Variants in D2HGDH observed in about 807,000 individuals in gnomAD.
D2HGDH encodes D-2-hydroxyglutarate dehydrogenase, mitochondrial.
Under a neutral mutation model 46.9 loss-of-function variants are expected in D2HGDH, and 31 were observed. That is an observed-to-expected ratio of 0.66 (90% confidence interval 0.50 to 0.89). The LOEUF is 0.89. Ranked by LOEUF, D2HGDH falls within the 40% of genes least tolerant of loss-of-function variation. D2HGDH has a pLI of 0.00. For missense variants in D2HGDH, 698 were observed against 720.8 expected (o/e 0.97, Z 0.36); for synonymous variants, 364 against 332.6 (o/e 1.09, Z -1.03).
chr2:241,755,560 CG>C (rs1337212741), intron 8 of D2HGDH: 22 of 1,427,538 alleles, frequency 1.5e-5, no homozygotes, highest in Admixed American at 1.1e-4. Context: ...CCAGGGTGCT[CG>C]GTGCTGTCGT....
chr2:241,761,380 A>T (rs541318753), intron 9 of D2HGDH, among the ~76,000 whole-genome samples: 1 of 152,172 alleles, frequency 6.6e-6, no homozygotes, highest in East Asian at 1.9e-4. Context: ...CTCTACTAAA[A>T]ATACAAAAAT....
chr2:241,749,214 C>G, intron 6 of D2HGDH: 1 of 1,013,850 alleles, frequency 9.9e-7, no homozygotes, highest in Non-Finnish European at 1.3e-6. Context: ...CCTCCCACAC[C>G]CCAGCCCTCT....
chr2:241,749,047 G>A (rs1420160179), intron 6 of D2HGDH: 21 of 995,798 alleles, frequency 2.1e-5, no homozygotes, highest in Non-Finnish European at 2.2e-5. Flanking sequence ...TCGTGGGCTC[G>A]GTCCAGCTCT....
At chr2:241,755,304 G>A (rs899028975) in intron 8 of D2HGDH, 69 of 1,248,380 alleles carry the variant, frequency 5.5e-5, no homozygotes, top group Non-Finnish European at 6.9e-5. Flanking sequence ...CCTCCCACCC[G>A]ACATGCCCCT....
At chr2:241,760,481 G>A (rs113460963) in intron 9 of D2HGDH, among the ~76,000 whole-genome samples, 2 of 149,670 alleles carry the variant, frequency 1.3e-5, no homozygotes, top group African/African-American at 5.0e-5. Context: ...CCACAGCGTG[G>A]GTGGGCCTTA....
intron 8 of D2HGDH, among the ~76,000 whole-genome samples, chr2:241,752,659 T>C (rs113499533): frequency 0.093 from 14,129 of 151,840 alleles, 847 homozygotes; most frequent in East Asian, 0.21. Context: ...CAGCTTCTGC[T>C]TGAGATGGGG....
chr2:241,762,069 C>CTT (rs564362722), intron 9 of D2HGDH, among the ~76,000 whole-genome samples: 28 of 108,130 alleles, frequency 2.6e-4, no homozygotes, highest in Non-Finnish European at 3.2e-4. Context: ...TTTTCTTTTC[C>CTT]TTTTTTTTTT....
rs138139840 is a variant in D2HGDH at position 241,744,576 on chromosome 2, C to T, written c.685-133C>T. On this transcript the variant is annotated intron_variant, in intron 5 of 9. Transcript: ENST00000321264. ...CTGTGTGTGGAGGGTGTCACTCGTA[C>T]AGGAGGAAAGTCCATCCTTCAGCCT... 1,387 of 1,120,024 alleles carry T rather than the reference C, an allele frequency of 1.2e-3. 9 individuals carry two copies. In the African/African-American group the frequency reaches 0.018, roughly 14 times the overall value. 69.4% of individuals were successfully genotyped at this position (1,120,024 alleles called of 1,614,324 possible).
chr2:241,759,444 C>G (rs566354010), intron 9 of D2HGDH, among the ~76,000 whole-genome samples: 2 of 152,334 alleles, frequency 1.3e-5, no homozygotes, highest in East Asian at 1.9e-4. Context: ...GCCTTGGTGT[C>G]TGCTTTGTTT....
At chr2:241,749,857 C>T (rs1305052381) in intron 6 of D2HGDH, 1 of 460,966 alleles carries the variant, frequency 2.2e-6, no homozygotes, top group Admixed American at 3.3e-5. Flanking sequence ...CGTGCCCTGC[C>T]CCTCCTGATC....
At position 241,748,154 on chromosome 2, in the gene D2HGDH, T is replaced by C. The variant is rs146421679; in HGVS notation, c.854-1997T>C. Among the ~76,000 whole-genome samples the C allele has an allele frequency of 6.4e-3, 973 of 152,058 alleles. 7 individuals are homozygous for C. The highest frequency in any genetic ancestry group is 0.022 in the African/African-American group (915 of 41,430). On this transcript the variant is annotated intron_variant, in intron 6 of 9. Transcript: ENST00000321264. ...TTTTGTTTTTGAGACAGAGTCTCAC[T>C]CTTGTCACCAAGGCTGGAGTGCAGT...
intron 6 of D2HGDH, among the ~76,000 whole-genome samples, chr2:241,748,650 C>T (rs1370518109): frequency 2.0e-5 from 3 of 152,252 alleles, no homozygotes; most frequent in Non-Finnish European, 4.4e-5. Flanking sequence ...TTGCCTCCGG[C>T]ACAAGCCTGG....
chr2:241,748,613 A>G (rs778103376), intron 6 of D2HGDH, among the ~76,000 whole-genome samples: 113 of 152,150 alleles, frequency 7.4e-4, no homozygotes, highest in Non-Finnish European at 1.2e-3. Flanking sequence ...CAACCCAGCC[A>G]TCAGTTCTCA....
chr2:241,755,262 C>T, intron 8 of D2HGDH: 2 of 1,137,470 alleles, frequency 1.8e-6, no homozygotes, highest in South Asian at 1.3e-5. Flanking sequence ...CCATGTCCTT[C>T]CCTCCCCTGT....
At position 241,735,391 on chromosome 2, in the gene D2HGDH, G is replaced by C. The variant is rs1288428724; in HGVS notation, c.167G>C (p.Arg56Pro). ...ACCCGGGAGCGCTACCCCGTGCGGC[G>C]CTTGCCGTTCTCCACGGTGTCTAAG... ...PLTRERYPVRRLPFSTVSKQD... is the reference protein window; with the variant it reads ...PLTRERYPVRPLPFSTVSKQD... Residue 56 changes from arginine to proline, a missense_variant, in exon 2 of 10, where the codon CGC (arginine) becomes CCC (proline). Transcript: ENST00000321264. 1.3e-6 allele frequency: 2 copies of C among 1,594,284 alleles called. No individual in the cohort carries two copies. The highest frequency in any genetic ancestry group is 1.7e-4 in the Middle Eastern group (1 of 6,020).
intron 8 of D2HGDH, among the ~76,000 whole-genome samples, chr2:241,751,711 A>G (rs1477903346): frequency 2.6e-5 from 4 of 152,222 alleles, no homozygotes; most frequent in Non-Finnish European, 4.4e-5. Flanking sequence ...GCAGCTCCGC[A>G]TAGAGTCGTG....
chr2:241,738,782 A>T (rs988095788), intron 2 of D2HGDH, among the ~76,000 whole-genome samples: 10 of 151,950 alleles, frequency 6.6e-5, no homozygotes, highest in South Asian at 6.2e-4. Flanking sequence ...TGCTGCCCCG[A>T]GTTTGGTGAG....
chr2:241,768,237 T>A lies in D2HGDH; in HGVS notation c.*268T>A. The A allele has an allele frequency of 3.8e-6, 2 of 520,984 alleles. No homozygotes were observed. Among genetic ancestry groups the A allele is most frequent in the Non-Finnish European group, 3.4e-6 (1 of 296,770 alleles). The allele number at this position is 520,984 out of a possible 1,614,324, so 32.3% of individuals were successfully genotyped here. A position where few individuals can be genotyped will look rare whatever the true frequency, so the allele number is the denominator to read the frequency against. On this transcript the variant is annotated 3_prime_UTR_variant, in exon 10 of 10. Transcript: ENST00000321264. ...CTGGACAGGCCGGGGTGGCGGCAGC[T>A]TTGCCCACGTGGAAGCGGGGTGGGT...
intron 1 of D2HGDH, 64 bp from the exon 2 acceptor site, chr2:241,735,069 C>A: frequency 1.2e-6 from 1 of 849,230 alleles, no homozygotes; most frequent in Non-Finnish European, 1.7e-6. Flanking sequence ...CTCCCTGCTT[C>A]TGCAAGCGTG....
Sources: allele counts gnomAD v4.1 joint callset (sites outside exome capture counted in the v4.1 genomes callset), GRCh38; gene constraint gnomAD v4.1.1; transcripts MANE v1.5; gene names NCBI Gene and HGNC (gene_info 2026-07-23, HGNC 2026-07-21).